The following DENND1A variants were observed in gnomAD, a reference collection of about 807,000 sequenced individuals.
DENND1A encodes DENN domain containing 1A, also known as DENN domain-containing protein 1A.
Under a neutral mutation model 113.7 loss-of-function variants are expected in DENND1A, and 51 were observed. The observed-to-expected ratio is 0.45, with a 90% CI of 0.36 to 0.57. The LOEUF (loss-of-function observed/expected upper bound fraction) is 0.57, where lower values mean the gene tolerates loss of function less well. Ranked by LOEUF, DENND1A falls within the 20% of genes least tolerant of loss-of-function variation. The pLI, the probability that DENND1A is intolerant of heterozygous loss-of-function variation, is 0.00. For missense variants in DENND1A, 1,258 were observed against 1,395.9 expected, an observed-to-expected ratio of 0.90 and a Z score of 1.57; for synonymous variants, 565 against 570.8, an observed-to-expected ratio of 0.99 and a Z score of 0.14.
intron 5 of DENND1A, among the ~76,000 whole-genome samples, chr9:123,755,864 C>A (rs1382592623): frequency 6.6e-6 from 1 of 152,188 alleles, no homozygotes; most frequent in Admixed American, 6.5e-5. Flanking sequence ...GGTAAGGCTA[C>A]CAGTAAACAG....
In DENND1A at chr9:123,630,450, C is replaced by T. The variant is rs1435083757; in HGVS notation, c.645G>A (p.Ala215=). Reference sequence around the variant, plus strand: ...GCCAGTACATGGGGTAGAGCATCGCCGCAGACCCGTGGATGCAGGCAGTCA... The same window carrying T: ...GCCAGTACATGGGGTAGAGCATCGCTGCAGACCCGTGGATGCAGGCAGTCA... The part of the protein sequence containing the change: ...STLTACIHGS[A]AMLYPMYWQH... Residue 215 remains alanine, a synonymous_variant, in exon 10 of 24, where the codon GCG becomes GCA. Coordinates refer to ENST00000394215, the MANE Select transcript of DENND1A (RefSeq NM_001352964.2). 11 of 1,596,906 alleles carry T rather than the reference C, an allele frequency of 6.9e-6. No individual in the cohort carries two copies. The highest frequency in any genetic ancestry group is 2.3e-5 in the East Asian group (1 of 44,252).
chr9:123,489,157 G>A (rs1034600940), intron 13 of DENND1A, among the ~76,000 whole-genome samples: 2 of 152,072 alleles, frequency 1.3e-5, no homozygotes, highest in Non-Finnish European at 1.5e-5. Flanking sequence ...GACCTAGCTC[G>A]AATGGAGGGG....
intron 19 of DENND1A, among the ~76,000 whole-genome samples, chr9:123,430,647 A>G (rs540811174): frequency 1.3e-5 from 2 of 152,270 alleles, no homozygotes; most frequent in Non-Finnish European, 2.9e-5. Flanking sequence ...ACACTGGGGG[A>G]ATAACACATA....
At chr9:123,900,348 A>G (rs1851414039) in intron 1 of DENND1A, among the ~76,000 whole-genome samples, 2 of 152,206 alleles carry the variant, frequency 1.3e-5, no homozygotes, top group African/African-American at 4.8e-5. Flanking sequence ...CAAGTCACTC[A>G]AGGTTTAACA....
At chr9:123,386,374 TTTCTTTC>T (rs1258137624) in intron 22 of DENND1A, among the ~76,000 whole-genome samples, 1 of 79,578 alleles carries the variant, frequency 1.3e-5, no homozygotes, top group African/African-American at 3.9e-5. Context: ...ACTACTTTCT[TTTCTTTC>T]TTTTTTTTTT....
chr9:123,888,672 G>A (rs956416688), intron 1 of DENND1A, among the ~76,000 whole-genome samples: 22 of 152,150 alleles, frequency 1.4e-4, no homozygotes, highest in African/African-American at 4.1e-4. Context: ...AAGTGTCAAC[G>A]TCATGAAAAT....
chr9:123,719,111 A>C lies in DENND1A; in HGVS notation c.302+38592T>G, dbSNP rs192295763. On this transcript the variant is annotated intron_variant, in intron 5 of 23. Transcript: ENST00000394215. ...CCATGATTGTGAGGCCTCCCCAGGC[A>C]TGAGGAACTGTGAGTCCATTAAACC... is the stretch of plus-strand genomic sequence containing the variant. Among the ~76,000 whole-genome samples, 39 of 152,360 alleles carry C rather than the reference A, an allele frequency of 2.6e-4. 2 individuals are homozygous for C. The highest frequency in any genetic ancestry group is 2.3e-3 in the Admixed American group (35 of 15,310).
At chr9:123,912,863 C>A (rs1455637142) in intron 1 of DENND1A, among the ~76,000 whole-genome samples, 1 of 152,082 alleles carries the variant, frequency 6.6e-6, no homozygotes, top group African/African-American at 2.4e-5. Flanking sequence ...CCCTCCACCC[C>A]GTGGTGTCTG....
chr9:123,606,195 T>C (rs2060148462), intron 11 of DENND1A, among the ~76,000 whole-genome samples: 1 of 151,924 alleles, frequency 6.6e-6, no homozygotes. Context: ...AGGGAGGAGG[T>C]CAGGAGACTG....
intron 20 of DENND1A, among the ~76,000 whole-genome samples, chr9:123,409,444 A>G (rs943001720): frequency 9.2e-5 from 14 of 151,778 alleles, no homozygotes; most frequent in Non-Finnish European, 1.8e-4. Context: ...TTAGGGGCAC[A>G]CAACCAGGAA....
At chr9:123,749,207 T>C (rs556357415) in intron 5 of DENND1A, among the ~76,000 whole-genome samples, 30 of 152,214 alleles carry the variant, frequency 2.0e-4, no homozygotes, top group Non-Finnish European at 4.1e-4. Context: ...GTCTCATTCA[T>C]GTTTCATTTT....
At chr9:123,486,233 G>C (rs1254014251) in intron 13 of DENND1A, among the ~76,000 whole-genome samples, 1 of 152,044 alleles carries the variant, frequency 6.6e-6, no homozygotes, top group Non-Finnish European at 1.5e-5. Flanking sequence ...CAGGCAAGTG[G>C]GCAGGTAAAT....
At chr9:123,733,015 C>T (rs917352883) in intron 5 of DENND1A, among the ~76,000 whole-genome samples, 3 of 152,132 alleles carry the variant, frequency 2.0e-5, no homozygotes, top group Non-Finnish European at 4.4e-5. Context: ...GAGTTTTGCT[C>T]TTGTTGCCCA....
chr9:123,384,157 G>T (rs1383371642), intron 22 of DENND1A, among the ~76,000 whole-genome samples: 1 of 152,148 alleles, frequency 6.6e-6, no homozygotes, highest in East Asian at 1.9e-4. Context: ...GCACTCAGGG[G>T]ACCCATTTAG....
chr9:123,391,909 C>T (rs918255356), intron 21 of DENND1A, among the ~76,000 whole-genome samples: 9 of 152,280 alleles, frequency 5.9e-5, no homozygotes, highest in East Asian at 5.8e-4. Context: ...GGCTGCCCAG[C>T]GAGGGCTGCC....
chr9:123,415,777 G>C (rs930013275), intron 19 of DENND1A, among the ~76,000 whole-genome samples: 1 of 152,192 alleles, frequency 6.6e-6, no homozygotes, highest in Non-Finnish European at 1.5e-5. Context: ...GGCACTTCAC[G>C]CAGGGCCAGG....
rs1028734779 is a variant in DENND1A at position 123,380,073 on chromosome 9, G to C, written c.*1359C>G. The C allele has an allele frequency of 6.6e-6, 1 of 152,228 alleles. No homozygotes were observed. Among genetic ancestry groups the C allele is most frequent in the Non-Finnish European group, 1.5e-5 (1 of 68,052 alleles). 9.4% of individuals were successfully genotyped at this position (152,228 alleles called of 1,614,324 possible). Reference sequence around the variant, plus strand: ...CAGTGGCAGCCTCTCAGACATAGAGGGGGCTCCCTGGGTGACATCTCCAGA... The same window carrying C: ...CAGTGGCAGCCTCTCAGACATAGAGCGGGCTCCCTGGGTGACATCTCCAGA... On this transcript the variant is annotated 3_prime_UTR_variant, in exon 24 of 24. Coordinates refer to ENST00000394215, the MANE Select transcript of DENND1A (RefSeq NM_001352964.2).
At chr9:123,573,200 G>A (rs921788131) in intron 12 of DENND1A, among the ~76,000 whole-genome samples, 1 of 152,018 alleles carries the variant, frequency 6.6e-6, no homozygotes, top group African/African-American at 2.4e-5. Context: ...AGTGAGTCTT[G>A]CAAACAGGTA....
At chr9:123,684,638 A>C (rs1025830398) in intron 5 of DENND1A, among the ~76,000 whole-genome samples, 2 of 152,220 alleles carry the variant, frequency 1.3e-5, no homozygotes, top group Non-Finnish European at 2.9e-5. Context: ...TCCTGAGATA[A>C]CCACATTTAG....
Sources: gnomAD v4.1 joint callset for allele counts (sites outside exome capture counted in the v4.1 genomes callset) on GRCh38, gnomAD v4.1.1 for gene constraint, MANE v1.5 for transcripts, NCBI Gene and HGNC (gene_info 2026-07-23, HGNC 2026-07-21) for gene names.